The following TLK1 variants were observed in gnomAD, a reference collection of about 807,000 sequenced individuals.
The protein encoded by TLK1 is serine/threonine-protein kinase tousled-like 1.
TLK1 carries 24 observed loss-of-function variants against 105.3 expected under a neutral mutation model. That is an observed-to-expected ratio of 0.23 (90% CI 0.17 to 0.32). The LOEUF (loss-of-function observed/expected upper bound fraction) is 0.32. Ranked by LOEUF, TLK1 falls within the 10% of genes least tolerant of loss-of-function variation. The pLI is 1.00. For synonymous variants in TLK1, 321 were observed against 310.4 expected (o/e 1.03, Z -0.36); for missense variants, 558 against 910.5 (o/e 0.61, Z 4.98).
At chr2:171,190,147 A>G (rs1025222445) in intron 1 of TLK1, among the ~76,000 whole-genome samples, 2 of 152,218 alleles carry the variant, frequency 1.3e-5, no homozygotes, top group African/African-American at 4.8e-5. Context: ...CTCACAACAT[A>G]AAGTGAGTGT....
rs189847179 is a variant in TLK1, at chr2:171,216,611, C to G, written c.-6+14534G>C. ...GGTTGAATTGTGTCCCTCCTCACCC[C>G]CTAAAACATATGTTGGAGTCGTAAC... On this transcript the variant is annotated intron_variant, in intron 1 of 20. Coordinates refer to the TLK1 transcript ENST00000521943. 1.1e-3 allele frequency among the ~76,000 whole-genome samples: 175 copies of G among 152,250 alleles called. 5 individuals are homozygous for G. The South Asian group carries it at 0.034, about 30-fold the overall frequency.
intron 1 of TLK1, among the ~76,000 whole-genome samples, chr2:171,227,272 C>A (rs1161012350): frequency 1.3e-5 from 2 of 152,168 alleles, no homozygotes; most frequent in Non-Finnish European, 2.9e-5. Context: ...ATGATTGGTT[C>A]AGAGATGGGC....
intron 18 of TLK1, among the ~76,000 whole-genome samples, chr2:171,000,699 C>T (rs1028715512): frequency 5.3e-5 from 8 of 152,132 alleles, no homozygotes; most frequent in African/African-American, 1.9e-4. Flanking sequence ...CTCAGTGCAA[C>T]TTTACAGACA....
intron 11 of TLK1, among the ~76,000 whole-genome samples, chr2:171,031,155 C>T (rs1375338194): frequency 6.6e-6 from 1 of 152,094 alleles, no homozygotes; most frequent in East Asian, 1.9e-4. Flanking sequence ...TGCAAACCCC[C>T]AAATGACAAA....
chr2:171,193,867 G>A (rs749226619), intron 1 of TLK1, among the ~76,000 whole-genome samples: 2 of 151,704 alleles, frequency 1.3e-5, no homozygotes, highest in Admixed American at 6.6e-5. Context: ...ACAGGCACCC[G>A]CCACCTCATG....
At chr2:171,033,599 C>T (rs1367733822) in intron 11 of TLK1, among the ~76,000 whole-genome samples, 1 of 148,322 alleles carries the variant, frequency 6.7e-6, no homozygotes, top group Non-Finnish European at 1.5e-5. Flanking sequence ...ATGATAAATG[C>T]TTGAGGTCAT....
At chr2:171,100,147 G>C (rs1340594001) in intron 2 of TLK1, among the ~76,000 whole-genome samples, 2 of 152,264 alleles carry the variant, frequency 1.3e-5, no homozygotes, top group Non-Finnish European at 2.9e-5. Flanking sequence ...ATAAGCACAT[G>C]AAAAGATGCT....
At chr2:171,070,628 A>C (rs1302383165) in intron 3 of TLK1, among the ~76,000 whole-genome samples, 3 of 152,104 alleles carry the variant, frequency 2.0e-5, no homozygotes, top group African/African-American at 7.3e-5. Flanking sequence ...ATGGCTGAAT[A>C]GTACTCCACT....
At chr2:171,083,092 T>C (rs1688820624) in intron 2 of TLK1, among the ~76,000 whole-genome samples, 1 of 152,202 alleles carries the variant, frequency 6.6e-6, no homozygotes, top group Non-Finnish European at 1.5e-5. Flanking sequence ...AACTGACTTC[T>C]ATTAGCTGGT....
At chr2:171,130,147 T>C (rs968909500) in intron 1 of TLK1, among the ~76,000 whole-genome samples, 11 of 152,174 alleles carry the variant, frequency 7.2e-5, no homozygotes, top group African/African-American at 2.2e-4. Context: ...ATCATGCCTA[T>C]AATCCCAGCA....
At chr2:171,178,007 T>G (rs1692864199) in intron 1 of TLK1, among the ~76,000 whole-genome samples, 1 of 152,008 alleles carries the variant, frequency 6.6e-6, no homozygotes, top group African/African-American at 2.4e-5. Context: ...TTGGCCAGGC[T>G]GGTCCCCTGA....
chr2:171,030,597 G>A (rs929638377), intron 11 of TLK1, among the ~76,000 whole-genome samples: 2 of 152,058 alleles, frequency 1.3e-5, no homozygotes, highest in Non-Finnish European at 2.9e-5. Flanking sequence ...TCTGGATATG[G>A]GTACAGGTTT....
intron 20 of TLK1, among the ~76,000 whole-genome samples, chr2:170,995,276 G>A (rs1422917553): frequency 6.6e-6 from 1 of 152,016 alleles, no homozygotes; most frequent in Non-Finnish European, 1.5e-5. Flanking sequence ...CCAAGTCAGG[G>A]AAAGTACTTG....
At position 171,115,170 on chromosome 2, in the gene TLK1, CTTTCTTT is replaced by C. The variant is rs1280964267; in HGVS notation, c.258+2562_258+2568del. Among the ~76,000 whole-genome samples the C allele has an allele frequency of 1.5e-5, 2 of 135,770 alleles. 1 individual carries two copies. Among genetic ancestry groups the C allele is most frequent in the Non-Finnish European group, 3.1e-5 (2 of 64,966 alleles). 89.1% of individuals were successfully genotyped at this position (135,770 alleles called of 152,430 possible). Reference sequence around the variant, plus strand: ...ATCTTGCTTCATCTTTTAAGAATTTCTTTCTTTTTTTTTTTTTTGAGACTGAGTTTCG... The same window carrying C: ...ATCTTGCTTCATCTTTTAAGAATTTCTTTTTTTTTTTGAGACTGAGTTTCG... On this transcript the variant is annotated intron_variant, in intron 2 of 20. Coordinates refer to ENST00000431350, the MANE Select transcript of TLK1 (RefSeq NM_012290.5).
At chr2:171,000,715 T>C (rs1684325203) in intron 18 of TLK1, among the ~76,000 whole-genome samples, 1 of 152,134 alleles carries the variant, frequency 6.6e-6, no homozygotes, top group African/African-American at 2.4e-5. Context: ...AGACATAATT[T>C]GTTTTGCTTT....
intron 2 of TLK1, among the ~76,000 whole-genome samples, chr2:171,107,040 C>T (rs10207361): frequency 0.25 from 38,642 of 152,062 alleles, 5,163 homozygotes; most frequent in Middle Eastern, 0.34. Flanking sequence ...ATCCAATCTA[C>T]AACAATTCCA....
chr2:171,156,037 G>A (rs1045833285), intron 1 of TLK1, among the ~76,000 whole-genome samples: 6 of 152,142 alleles, frequency 3.9e-5, no homozygotes, highest in Non-Finnish European at 7.4e-5. Flanking sequence ...GTAGGTCCTA[G>A]AGACATTTTT....
Position 171,056,535 on chromosome 2 carries a change from C to G in TLK1, c.485G>C (p.Arg162Thr). 6.2e-7 allele frequency: 1 copy of G among 1,612,310 alleles called. No individual in the cohort carries two copies. The highest frequency in any genetic ancestry group is 1.1e-5 in the South Asian group (1 of 91,020). Reference sequence around the variant, plus strand: ...AGAACGGATTGCAGGAGGTATGCCTCTTACTGGACTTGAGCCATTTCCACC... The same window carrying G: ...AGAACGGATTGCAGGAGGTATGCCTGTTACTGGACTTGAGCCATTTCCACC... ...YQGGNGSSPV[R>T]GIPPAIRSPQ... The change falls in exon 6 of 21, where the codon AGA (arginine) becomes ACA (threonine). Residue 162 changes from arginine (R) to threonine (T), a missense_variant. Physicochemically the swap from Arg to Thr is moderately conservative, Grantham distance 71. Around this residue, in one of 5 missense-constraint regions of TLK1, gnomAD observed 196 missense variants for 239.3 expected, o/e 0.82. Coordinates refer to ENST00000431350, the MANE Select transcript of TLK1 (RefSeq NM_012290.5).
At chr2:171,043,955 T>C (rs1156539039) in intron 11 of TLK1, among the ~76,000 whole-genome samples, 1 of 152,194 alleles carries the variant, frequency 6.6e-6, no homozygotes, top group Non-Finnish European at 1.5e-5. Context: ...ACAAATTTAC[T>C]AACTTACAAA....
Sources: gnomAD v4.1 joint callset for allele counts (sites outside exome capture counted in the v4.1 genomes callset) on GRCh38, gnomAD v4.1.1 for gene constraint, gnomAD v4.1.1 regional missense constraint, MANE v1.5 for transcripts, NCBI Gene and HGNC (gene_info 2026-07-23, HGNC 2026-07-21) for gene names.